The following PTPRD variants were observed in gnomAD, a reference collection of about 807,000 sequenced individuals.
The protein encoded by PTPRD is receptor-type tyrosine-protein phosphatase delta.
A neutral mutation model predicts 214.5 loss-of-function variants in PTPRD; 34 were observed. The ratio of observed to expected loss-of-function variants is 0.16; its 90% CI spans 0.12 to 0.21. The LOEUF is 0.21. Ranked by LOEUF, PTPRD falls within the 10% of genes least tolerant of loss-of-function variation. The pLI is 1.00. For missense variants in PTPRD, 2,545 were observed against 2,398.7 expected, an observed-to-expected ratio of 1.06 and a Z score of -1.27; for synonymous variants, 1,128 against 845.7, an observed-to-expected ratio of 1.33 and a Z score of -5.79.
At chr9:9,304,842 T>C (rs148268574) in intron 9 of PTPRD, among the ~76,000 whole-genome samples, 1 of 150,982 alleles carries the variant, frequency 6.6e-6, no homozygotes, top group South Asian at 2.1e-4. Flanking sequence ...CCTCCAACGT[T>C]CTTGGTGTCC....
chr9:10,209,266 C>G (rs1333147994), intron 3 of PTPRD, among the ~76,000 whole-genome samples: 1 of 152,096 alleles, frequency 6.6e-6, no homozygotes, highest in African/African-American at 2.4e-5. Flanking sequence ...CATGAAAACA[C>G]AAATCCACTA....
chr9:10,280,618 T>C (rs1407452150), intron 3 of PTPRD, among the ~76,000 whole-genome samples: 1 of 152,070 alleles, frequency 6.6e-6, no homozygotes, highest in Non-Finnish European at 1.5e-5. Flanking sequence ...TTGCATATTT[T>C]TTTGAGACAG....
rs988339152 is a variant in PTPRD, at chr9:8,546,358, C to T, written c.353-17579G>A. ...CTGAGGGACTTTAGCAAGCAACTGC[C>T]CTATAATGTTGTGAAATTAAACATG... On this transcript the variant is annotated intron_variant, in intron 14 of 45. Coordinates refer to ENST00000381196, the MANE Select transcript of PTPRD (RefSeq NM_002839.4). Among the ~76,000 whole-genome samples, 3 of 152,042 alleles carry T rather than the reference C, an allele frequency of 2.0e-5. No individual in the cohort carries two copies. In the South Asian group the frequency reaches 6.2e-4, roughly 32 times the overall value.
chr9:8,738,374 C>T (rs1460437535), intron 11 of PTPRD, among the ~76,000 whole-genome samples: 1 of 149,328 alleles, frequency 6.7e-6, no homozygotes, highest in East Asian at 1.9e-4. Flanking sequence ...ATTTTTTCAG[C>T]TTTCTATACT....
Position 8,665,664 on chromosome 9 carries a change from T to C in PTPRD, c.65-28820A>G, listed in dbSNP as rs2097156182. Among the ~76,000 whole-genome samples the C allele has an allele frequency of 2.0e-5, 3 of 152,340 alleles. No homozygotes were observed. The South Asian group carries it at 6.2e-4, about 32-fold the overall frequency. On this transcript the variant is annotated intron_variant, in intron 12 of 45. Coordinates refer to ENST00000381196, the MANE Select transcript of PTPRD (RefSeq NM_002839.4). ...CAAATCTGTTTTCCTGCTTTTCCTA[T>C]TGTCTTTTTCTCTATTATTTCCCTT...
rs768104833 is a variant in PTPRD, at chr9:8,331,584, G to A, written c.5532C>T (p.Cys1844=). ...FGQDGPISVH[C]SAGVGRTGVF... Reference sequence around the variant, plus strand: ...TTTATTCACAAATGGAAACTTACCTGCAATGGACTGAAATGGGTCCATCTT... The same window carrying A: ...TTTATTCACAAATGGAAACTTACCTACAATGGACTGAAATGGGTCCATCTT... The change falls in exon 44 of 46, where the codon TGC becomes TGT. Residue 1844 remains cysteine (C), a splice_region_variant and synonymous_variant. Transcript: ENST00000381196. 1 of 995,106 alleles carries A rather than the reference G, an allele frequency of 1.0e-6. No individual in the cohort carries two copies. Among genetic ancestry groups the A allele is most frequent in the Non-Finnish European group, 1.3e-6 (1 of 776,886 alleles). The allele number at this position is 995,106 out of a possible 1,614,324, so 61.6% of individuals were successfully genotyped here.
At chr9:8,445,010 T>G (rs891959277) in intron 34 of PTPRD, among the ~76,000 whole-genome samples, 12 of 152,176 alleles carry the variant, frequency 7.9e-5, no homozygotes, top group African/African-American at 2.9e-4. Flanking sequence ...CCATAGATCT[T>G]AAAGACTTGT....
At chr9:9,676,565 T>G (rs1339344617) in intron 7 of PTPRD, among the ~76,000 whole-genome samples, 8 of 152,138 alleles carry the variant, frequency 5.3e-5, no homozygotes, top group Non-Finnish European at 1.2e-4. Context: ...TTTGTTATTG[T>G]GAATAGTGCT....
At chr9:8,674,939 A>G (rs2097370164) in intron 12 of PTPRD, among the ~76,000 whole-genome samples, 1 of 152,202 alleles carries the variant, frequency 6.6e-6, no homozygotes, top group African/African-American at 2.4e-5. Flanking sequence ...ATACTGTCAA[A>G]TAGCATTTAA....
intron 8 of PTPRD, among the ~76,000 whole-genome samples, chr9:9,472,493 A>G (rs1014007148): frequency 9.9e-5 from 15 of 151,766 alleles, no homozygotes; most frequent in South Asian, 4.2e-4. Flanking sequence ...GTGAGCCACC[A>G]CGCCCGGCCC....
intron 3 of PTPRD, among the ~76,000 whole-genome samples, chr9:10,144,801 T>C (rs291287): frequency 0.76 from 115,411 of 151,908 alleles, 43,935 homozygotes; most frequent in Middle Eastern, 0.87. Flanking sequence ...GATTATAATG[T>C]TAACAAAAAA....
intron 7 of PTPRD, among the ~76,000 whole-genome samples, chr9:9,632,311 T>C (rs1483036589): frequency 1.3e-5 from 2 of 152,150 alleles, no homozygotes; most frequent in African/African-American, 4.8e-5. Flanking sequence ...ATAGGCTGTA[T>C]ATAAATGATT....
At chr9:9,808,372 C>A (rs1464007048) in intron 5 of PTPRD, among the ~76,000 whole-genome samples, 1 of 152,146 alleles carries the variant, frequency 6.6e-6, no homozygotes, top group African/African-American at 2.4e-5. Context: ...CCTTATCTGA[C>A]CAGGAAACTC....
intron 9 of PTPRD, among the ~76,000 whole-genome samples, chr9:9,238,776 C>A (rs7038241): frequency 0.24 from 37,000 of 152,134 alleles, 5,261 homozygotes; most frequent in Middle Eastern, 0.34. Context: ...CTTTTATCTT[C>A]ATTTTGAGAG....
intron 30 of PTPRD, among the ~76,000 whole-genome samples, chr9:8,477,254 T>C (rs2096784015): frequency 6.6e-6 from 1 of 152,162 alleles, no homozygotes; most frequent in Non-Finnish European, 1.5e-5. Context: ...AGACTTTAAC[T>C]ATTAAAGTAA....
chr9:10,136,414 C>A (rs1406526867), intron 3 of PTPRD, among the ~76,000 whole-genome samples: 1 of 152,094 alleles, frequency 6.6e-6, no homozygotes, highest in South Asian at 2.1e-4. Context: ...CTCAACCTAA[C>A]AACCGCAAAG....
chr9:9,615,751 T>G (rs889008192), intron 7 of PTPRD, among the ~76,000 whole-genome samples: 1 of 152,170 alleles, frequency 6.6e-6, no homozygotes, highest in Non-Finnish European at 1.5e-5. Context: ...AAACATTATC[T>G]AATTTAATCC....
intron 12 of PTPRD, among the ~76,000 whole-genome samples, chr9:8,645,735 C>T (rs1157641704): frequency 1.4e-5 from 2 of 137,950 alleles, no homozygotes; most frequent in African/African-American, 5.4e-5. Context: ...CACTTTCTAT[C>T]AATGTTAGGT....
chr9:10,223,224 T>A (rs1027593036), intron 3 of PTPRD, among the ~76,000 whole-genome samples: 1 of 151,926 alleles, frequency 6.6e-6, no homozygotes, highest in Non-Finnish European at 1.5e-5. Context: ...CTTCTCCCCT[T>A]CCTCTTCCTC....
Sources: allele counts gnomAD v4.1 joint callset (sites outside exome capture counted in the v4.1 genomes callset), GRCh38; gene constraint gnomAD v4.1.1; transcripts MANE v1.5; gene names NCBI Gene and HGNC (gene_info 2026-07-23, HGNC 2026-07-21).